The following CAMK1D variants were observed in gnomAD, a reference collection of about 807,000 sequenced individuals.
The protein encoded by CAMK1D is calcium/calmodulin dependent protein kinase ID.
CAMK1D carries 9 observed loss-of-function variants against 47.7 expected under a neutral mutation model. The observed-to-expected ratio is 0.19, with a 90% CI of 0.11 to 0.33. The LOEUF is 0.33. Ranked by LOEUF, CAMK1D falls within the 10% of genes least tolerant of loss-of-function variation. The pLI, the probability that CAMK1D is intolerant of heterozygous loss-of-function variation, is 1.00. For synonymous variants in CAMK1D, 184 were observed against 184.9 expected (o/e 0.99, Z 0.04); for missense variants, 291 against 488.7 (o/e 0.60, Z 3.81).
At chr10:12,505,467 GA>G (rs1360995623) in intron 1 of CAMK1D, among the ~76,000 whole-genome samples, 1 of 152,178 alleles carries the variant, frequency 6.6e-6, no homozygotes, top group Admixed American at 6.5e-5. Context: ...CTCCTAATGT[GA>G]CCAGTGTCAG....
At position 12,666,731 on chromosome 10, in the gene CAMK1D, T is replaced by G. The variant is rs2132553647; in HGVS notation, c.225-5T>G. 2 of 1,611,214 alleles carry G rather than the reference T, an allele frequency of 1.2e-6. No individual in the cohort carries two copies. Among genetic ancestry groups the G allele is most frequent in the Admixed American group, 1.7e-5 (1 of 59,800 alleles). ...ACTATTTTGTGCGTCTATTTTTTTT[T>G]TCAGGATTAAGCATGAAAATATTGT... On this transcript the variant is annotated splice_region_variant and splice_polypyrimidine_tract_variant and intron_variant, in intron 2 of 10. Transcript: ENST00000619168.
At chr10:12,780,745 C>G (rs1335508577) in intron 5 of CAMK1D, among the ~76,000 whole-genome samples, 1 of 152,216 alleles carries the variant, frequency 6.6e-6, no homozygotes, top group Non-Finnish European at 1.5e-5. Flanking sequence ...TTCTCATCCT[C>G]TCCGACTGTT....
chr10:12,710,403 A>T (rs1038799954), intron 3 of CAMK1D, among the ~76,000 whole-genome samples: 1 of 152,220 alleles, frequency 6.6e-6, no homozygotes, highest in African/African-American at 2.4e-5. Flanking sequence ...AGCATCTATT[A>T]TATGCTAGAA....
chr10:12,589,826 G>A (rs1329729502), intron 2 of CAMK1D, among the ~76,000 whole-genome samples: 2 of 152,156 alleles, frequency 1.3e-5, no homozygotes, highest in African/African-American at 4.8e-5. Flanking sequence ...TAATTTCTGA[G>A]TCCGGGATTT....
At chr10:12,695,080 A>ATAGG (rs138811235) in intron 3 of CAMK1D, among the ~76,000 whole-genome samples, 46,068 of 127,792 alleles carry the variant, frequency 0.36, 7,441 homozygotes, top group South Asian at 0.46. Flanking sequence ...AGGTAGATAC[A>ATAGG]TAGATACATA....
At chr10:12,511,960 G>A (rs1249431097) in intron 1 of CAMK1D, among the ~76,000 whole-genome samples, 2 of 152,240 alleles carry the variant, frequency 1.3e-5, no homozygotes, top group Admixed American at 6.5e-5. Context: ...CCCACAGTGT[G>A]TTTGGACTCT....
intron 6 of CAMK1D, among the ~76,000 whole-genome samples, chr10:12,811,846 C>T (rs1421262735): frequency 6.6e-6 from 1 of 152,232 alleles, no homozygotes; most frequent in Non-Finnish European, 1.5e-5. Flanking sequence ...GAATCCTCAT[C>T]GTGGGAGAAA....
intron 1 of CAMK1D, among the ~76,000 whole-genome samples, chr10:12,378,673 C>T (rs1223409401): frequency 1.3e-5 from 2 of 151,904 alleles, no homozygotes; most frequent in East Asian, 3.9e-4. Flanking sequence ...ATATCAAAGG[C>T]TTTTTAGTGA....
intron 1 of CAMK1D, among the ~76,000 whole-genome samples, chr10:12,383,248 A>G (rs1321242207): frequency 6.6e-6 from 1 of 152,174 alleles, no homozygotes; most frequent in Non-Finnish European, 1.5e-5. Flanking sequence ...TAAAATTAGA[A>G]TAGATCTTTC....
chr10:12,361,569 T>A (rs1564292786), intron 1 of CAMK1D, among the ~76,000 whole-genome samples: 1 of 51,962 alleles, frequency 1.9e-5, no homozygotes, highest in African/African-American at 6.1e-5. Context: ...TTTTTTTTTT[T>A]AATTGAGATG....
intron 1 of CAMK1D, among the ~76,000 whole-genome samples, chr10:12,434,926 G>C (rs1414219713): frequency 4.6e-5 from 7 of 152,062 alleles, no homozygotes; most frequent in Non-Finnish European, 8.8e-5. Context: ...GGAATCAGGA[G>C]GGGAGGGAAG....
intron 6 of CAMK1D, among the ~76,000 whole-genome samples, chr10:12,797,177 T>C (rs1299848978): frequency 2.7e-5 from 4 of 149,866 alleles, no homozygotes; most frequent in African/African-American, 4.9e-5. Context: ...CTTGGCTGGG[T>C]AGCACAGCTG....
At chr10:12,580,232 C>T (rs955435326) in intron 2 of CAMK1D, among the ~76,000 whole-genome samples, 3 of 151,910 alleles carry the variant, frequency 2.0e-5, no homozygotes, top group African/African-American at 7.3e-5. Flanking sequence ...ACGATTTGCT[C>T]GTCAACATCA....
intron 2 of CAMK1D, among the ~76,000 whole-genome samples, chr10:12,630,886 C>G (rs774494099): frequency 6.6e-6 from 1 of 152,118 alleles, no homozygotes; most frequent in African/African-American, 2.4e-5. Flanking sequence ...AGAGGGTGCA[C>G]CCAGGGATCA....
At chr10:12,792,188 CT>C (rs1838007626) in intron 6 of CAMK1D, among the ~76,000 whole-genome samples, 1 of 152,140 alleles carries the variant, frequency 6.6e-6, no homozygotes, top group Non-Finnish European at 1.5e-5. Flanking sequence ...TCAATTTCGC[CT>C]TTAGATTTCT....
At chr10:12,524,047 A>G (rs542657539) in intron 1 of CAMK1D, among the ~76,000 whole-genome samples, 1 of 151,696 alleles carries the variant, frequency 6.6e-6, no homozygotes, top group African/African-American at 2.4e-5. Context: ...ACCCACCACC[A>G]CGCCTGGCTA....
At chr10:12,764,368 T>C (rs1163903310) in intron 4 of CAMK1D, among the ~76,000 whole-genome samples, 1 of 101,396 alleles carries the variant, frequency 9.9e-6, no homozygotes, top group Admixed American at 1.1e-4. Context: ...GCAACAAGAA[T>C]GACACTTTGT....
At chr10:12,394,606 G>C (rs1838869250) in intron 1 of CAMK1D, among the ~76,000 whole-genome samples, 1 of 152,146 alleles carries the variant, frequency 6.6e-6, no homozygotes, top group African/African-American at 2.4e-5. Context: ...GGAGCCACAG[G>C]CAGACACCAA....
chr10:12,535,677 T>C (rs1361923089), intron 1 of CAMK1D, among the ~76,000 whole-genome samples: 2 of 152,218 alleles, frequency 1.3e-5, no homozygotes, highest in African/African-American at 4.8e-5. Flanking sequence ...TACTCAAATG[T>C]GGCTACTTCA....
Sources: allele counts gnomAD v4.1 joint callset (sites outside exome capture counted in the v4.1 genomes callset), GRCh38; gene constraint gnomAD v4.1.1; transcripts MANE v1.5; gene names NCBI Gene and HGNC (gene_info 2026-07-23, HGNC 2026-07-21).